Variants in LAMA3 observed in about 807,000 individuals in gnomAD.
LAMA3 encodes the protein laminin subunit alpha-3.
Under a neutral mutation model 402.0 loss-of-function variants are expected in LAMA3, and 281 were observed. That is an observed-to-expected ratio of 0.70 (90% CI 0.63 to 0.77). LAMA3 has a LOEUF of 0.77. Among genes scored for constraint, LAMA3 ranks in the 30% least tolerant of loss-of-function variants. The pLI is 0.00. For synonymous variants in LAMA3, 1,431 were observed against 1,558.4 expected (o/e 0.92, Z 1.93); for missense variants, 3,840 against 4,215.5 (o/e 0.91, Z 2.47).
At chr18:23,952,953 C>T in intron 73 of LAMA3, 37 bp from the exon 74 acceptor site, 1 of 1,613,358 alleles carries the variant, frequency 6.2e-7, no homozygotes, top group Non-Finnish European at 8.5e-7. Context: ...GCAGGGCTCA[C>T]CTCCGATGAT....
chr18:23,882,039 C>T lies in LAMA3; in HGVS notation c.5216C>T (p.Thr1739Ile), dbSNP rs1461603857. Residue 1739 changes from threonine to isoleucine, a missense_variant, in exon 40 of 75, where the codon ACT becomes ATT. Physicochemically the swap from Thr to Ile is moderately conservative, Grantham distance 89. Around this residue, in one of 3 missense-constraint regions of LAMA3, gnomAD observed 2,109 missense variants for 2,376.0 expected, o/e 0.89. Coordinates refer to ENST00000313654, the MANE Select transcript of LAMA3 (RefSeq NM_198129.4). ...GSCRACPCPH[T>I]NSFATGCVVN... ...TGCAGGGCCTGCCCATGTCCTCACA[C>T]TAACAGGTACCGTAGCAGCTTGACA... 1 of 1,609,932 alleles carries T rather than the reference C, an allele frequency of 6.2e-7. No homozygotes were observed. The highest frequency in any genetic ancestry group is 1.7e-5 in the Admixed American group (1 of 60,006).
chr18:23,734,466 G>A lies in LAMA3; in HGVS notation c.448-13477G>A, dbSNP rs9950978. Among the ~76,000 whole-genome samples the A allele has an allele frequency of 4.4e-3, 666 of 152,276 alleles. 5 individuals carry two copies. Among genetic ancestry groups the A allele is most frequent in the African/African-American group, 0.015 (641 of 41,558 alleles). On this transcript the variant is annotated intron_variant, in intron 2 of 74. Coordinates refer to ENST00000313654, the MANE Select transcript of LAMA3 (RefSeq NM_198129.4). ...GCAAACATTATTTGAAGCCACTGAG[G>A]TTTTGGCATGCATGGTCACTGCAAC... is the stretch of plus-strand genomic sequence containing the variant.
intron 1 of LAMA3, 141 bp downstream of exon 1, chr18:23,690,118 G>A: frequency 4.4e-6 from 3 of 680,632 alleles, no homozygotes; most frequent in Non-Finnish European, 4.5e-6. Context: ...ATCCCCGCGC[G>A]CGAGGGCCCA....
intron 16 of LAMA3, 30 bp from the exon 17 acceptor site, chr18:23,815,438 A>C: frequency 1.9e-6 from 3 of 1,558,576 alleles, no homozygotes; most frequent in South Asian, 2.2e-5. Flanking sequence ...AATTATATCA[A>C]ATGTTGTCAT....
In LAMA3 at chr18:23,901,127, T is replaced by A. The variant is rs1368048226; in HGVS notation, c.6005T>A (p.Leu2002Ter). 6.2e-7 allele frequency: 1 copy of A among 1,613,678 alleles called. No homozygotes were observed. The highest frequency in any genetic ancestry group is 1.3e-5 in the African/African-American group (1 of 75,020). Reference sequence around the variant, plus strand: ...GAAAACATGAGGTGATGTATTACAGTGCTGAACCGGATAAGGACCTGGCAG... The same window carrying A: ...GAAAACATGAGGTGATGTATTACAGAGCTGAACCGGATAAGGACCTGGCAG... ...AEADKRESQL[L>*]LNRIRTWQKT... The change falls in exon 48 of 75, where the codon TTG becomes TAG. Residue 2002 changes from leucine to a stop codon, truncating the protein, a stop_gained and splice_region_variant. Coordinates refer to ENST00000313654, the MANE Select transcript of LAMA3 (RefSeq NM_198129.4). LOFTEE classifies it high-confidence loss of function.
rs2063533721 is a variant in LAMA3 at position 23,833,914 on chromosome 18, T to C, written c.2910T>C (p.Phe970=). The part of the protein sequence containing the change: ...VEYSTEAAQL[F]VVDVNVKSSG... ...ATTCCACGGAGGCAGCTCAGCTGTT[T>C]GTGGTTGATGTGAATGTGAAGAGCT... The change falls in exon 24 of 75, where the codon TTT becomes TTC. Residue 970 remains phenylalanine (F), a synonymous_variant. Coordinates refer to ENST00000313654, the MANE Select transcript of LAMA3 (RefSeq NM_198129.4). 6.2e-7 allele frequency: 1 copy of C among 1,614,078 alleles called. No homozygotes were observed. The highest frequency in any genetic ancestry group is 8.5e-7 in the Non-Finnish European group (1 of 1,180,056).
At chr18:23,913,869 T>C (rs1440370374) in intron 56 of LAMA3, among the ~76,000 whole-genome samples, 1 of 152,244 alleles carries the variant, frequency 6.6e-6, no homozygotes, top group Admixed American at 6.5e-5. Context: ...TCGAATGTAC[T>C]TAATGCCAAT....
Position 23,723,024 on chromosome 18 carries a change from A to G in LAMA3, c.447+8952A>G, listed in dbSNP as rs78930483. ...AGAGCTTTACATTTACATATCATCT[A>G]TGATATGGAATTTTATTATTATTAC... On this transcript the variant is annotated intron_variant, in intron 2 of 74. Coordinates refer to ENST00000313654, the MANE Select transcript of LAMA3 (RefSeq NM_198129.4). 2.1e-4 allele frequency among the ~76,000 whole-genome samples: 32 copies of G among 152,286 alleles called. 1 individual carries two copies. In the East Asian group the frequency reaches 6.0e-3, roughly 28 times the overall value.
At chr18:23,876,471 T>A (rs1255568014) in intron 39 of LAMA3, 64 bp downstream of exon 39, 4 of 1,091,374 alleles carry the variant, frequency 3.7e-6, no homozygotes, top group African/African-American at 3.1e-5. Flanking sequence ...TCCCCTGTAC[T>A]ATGCCCAAAG....
intron 17 of LAMA3, 129 bp from the exon 18 acceptor site, chr18:23,816,259 G>C: frequency 1.4e-6 from 1 of 737,384 alleles, no homozygotes; most frequent in Non-Finnish European, 2.4e-6. Flanking sequence ...TTGCCAGACA[G>C]ATGTGGCAGA....
chr18:23,845,861 G>A (rs970343826), intron 30 of LAMA3, among the ~76,000 whole-genome samples: 4 of 152,158 alleles, frequency 2.6e-5, no homozygotes, highest in Non-Finnish European at 5.9e-5. Flanking sequence ...TTGGGAGGTT[G>A]GAAGGTCATG....
chr18:23,825,069 T>C (rs2063355267), intron 21 of LAMA3, among the ~76,000 whole-genome samples: 1 of 151,992 alleles, frequency 6.6e-6, no homozygotes. Flanking sequence ...TTCTTGGGGG[T>C]GGAAAGAGAA....
chr18:23,792,757 C>T (rs2062684597), intron 12 of LAMA3, among the ~76,000 whole-genome samples: 1 of 152,090 alleles, frequency 6.6e-6, no homozygotes, highest in Non-Finnish European at 1.5e-5. Context: ...ACTTAGTGTA[C>T]TGGGGCAAGG....
chr18:23,858,585 T>C, intron 33 of LAMA3, 104 bp from the exon 34 acceptor site: 1 of 1,053,424 alleles, frequency 9.5e-7, no homozygotes, highest in South Asian at 1.3e-5. Flanking sequence ...GCTCACATCC[T>C]CATCCTAACA....
rs148906086 is a variant in LAMA3, at chr18:23,807,416, G to T, written c.1604-2950G>T. ...ATAGATAGATAGGTACGTAGATAGA[G>T]CTTATCTAGTTACCTATGTACATAT... On this transcript the variant is annotated intron_variant, in intron 12 of 74. Transcript: ENST00000313654. Among the ~76,000 whole-genome samples, 308 of 152,132 alleles carry T rather than the reference G, an allele frequency of 2.0e-3. 2 individuals are homozygous for T. The highest frequency in any genetic ancestry group is 7.2e-3 in the African/African-American group (299 of 41,488).
At chr18:23,928,820 T>C (rs2082081633) in intron 64 of LAMA3, 55 bp downstream of exon 64, 3 of 1,513,932 alleles carry the variant, frequency 2.0e-6, no homozygotes, top group Non-Finnish European at 2.8e-6. Flanking sequence ...CAAAGTTTGA[T>C]GTTAAAAACA....
At position 23,833,864 on chromosome 18, in the gene LAMA3, G is replaced by T. The variant is rs369099884; in HGVS notation, c.2860G>T (p.Gly954Cys). Residue 954 changes from glycine (G) to cysteine (C), a missense_variant, in exon 24 of 75, where the codon GGC (glycine) becomes TGC (cysteine). Gly to Cys is a radical substitution (Grantham distance 159, BLOSUM62 -3). Around this residue, in one of 3 missense-constraint regions of LAMA3, gnomAD observed 2,109 missense variants for 2,376.0 expected, o/e 0.89. Coordinates refer to ENST00000313654, the MANE Select transcript of LAMA3 (RefSeq NM_198129.4). ...TCTGCGGCTGCGCATCCCACAGGTT[G>T]GCCACTACGTGGTTGTGGTCGAGTA... The part of the protein sequence containing the change: ...LHLRLRIPQV[G>C]HYVVVVEYST... The T allele has an allele frequency of 2.3e-5, 37 of 1,613,726 alleles. No homozygotes were observed. Among genetic ancestry groups the T allele is most frequent in the Non-Finnish European group, 3.1e-5 (36 of 1,180,046 alleles).
At chr18:23,858,122 A>G in intron 33 of LAMA3, 134 bp downstream of exon 33, 1 of 1,081,714 alleles carries the variant, frequency 9.2e-7, no homozygotes, top group Non-Finnish European at 1.4e-6. Flanking sequence ...GTAGCATTTT[A>G]TAGTCACGAT....
rs575192031 is a variant in LAMA3, at chr18:23,780,393, G to T, written c.1468+2774G>T. On this transcript the variant is annotated intron_variant, in intron 11 of 74. Coordinates refer to ENST00000313654, the MANE Select transcript of LAMA3 (RefSeq NM_198129.4). ...GGAGAGAGACAGAAGTGCTGGAAGG[G>T]CTTCCCCAGAGCAGCAGGAGGAGGT... is the stretch of plus-strand genomic sequence containing the variant. Among the ~76,000 whole-genome samples the T allele has an allele frequency of 1.8e-3, 273 of 152,176 alleles. 1 individual carries two copies. The highest frequency in any genetic ancestry group is 6.2e-4 in the Non-Finnish European group (42 of 67,994).
Sources: allele counts gnomAD v4.1 joint callset (sites outside exome capture counted in the v4.1 genomes callset), GRCh38; gene constraint gnomAD v4.1.1; regional missense constraint gnomAD v4.1.1; transcripts MANE v1.5; gene names NCBI Gene and HGNC (gene_info 2026-07-23, HGNC 2026-07-21).